PRDM15: variants seen among roughly 807,000 people sequenced by gnomAD.
PRDM15 encodes PR/SET domain 15, also known as PR domain zinc finger protein 15.
In PRDM15, 64 loss-of-function variants were observed where a neutral mutation model predicts 128.6. The ratio of observed to expected loss-of-function variants is 0.50; its 90% CI spans 0.41 to 0.61. The LOEUF is 0.61. Among genes scored for constraint, PRDM15 ranks in the 20% least tolerant of loss-of-function variants. The pLI, the probability that PRDM15 is intolerant of heterozygous loss-of-function variation, is 0.00. For missense variants in PRDM15, 1,242 were observed against 1,569.1 expected (o/e 0.79, Z 3.52); for synonymous variants, 615 against 621.8 (o/e 0.99, Z 0.16).
intron 1 of PRDM15, among the ~76,000 whole-genome samples, chr21:41,878,508 G>A (rs1030410554): frequency 6.6e-6 from 1 of 152,116 alleles, no homozygotes; most frequent in African/African-American, 2.4e-5. Context: ...AGGACGCTGC[G>A]CGTGGCCCCC....
rs1486502565 is a variant in PRDM15 at position 41,862,705 on chromosome 21, G to A, written c.-9-2333C>T. 1.3e-5 allele frequency among the ~76,000 whole-genome samples: 2 copies of A among 152,072 alleles called. No homozygotes were observed. The highest frequency in any genetic ancestry group is 2.4e-5 in the African/African-American group (1 of 41,390). On this transcript the variant is annotated intron_variant, in intron 1 of 23. Transcript: ENST00000398548. This position sits in a 1 kb window ranked among gnomAD's most constrained non-coding sequence, Gnocchi z 4.1. ...GGGCTGCAGATCAGGCCTGATAAAC[G>A]GAGCATCTTCAAAGTCTTTGCTGTC...
intron 21 of PRDM15, among the ~76,000 whole-genome samples, chr21:41,805,311 G>A (rs76592018): frequency 0.024 from 3,722 of 152,318 alleles, 159 homozygotes; most frequent in African/African-American, 0.084. Context: ...ACAGCCGAAC[G>A]TGATAAAGGG....
chr21:41,804,554 A>T lies in PRDM15; in HGVS notation c.2713T>A (p.Ser905Thr), dbSNP rs1289635286. 6.4e-7 allele frequency: 1 copy of T among 1,569,698 alleles called. No individual in the cohort carries two copies. Among genetic ancestry groups the T allele is most frequent in the Non-Finnish European group, 8.6e-7 (1 of 1,156,964 alleles). Residue 905 changes from serine (S) to threonine (T), a missense_variant, in exon 22 of 24, where the codon TCC becomes ACC. Ser to Thr is a moderately conservative substitution (Grantham distance 58). Coordinates refer to ENST00000398548, the MANE Select transcript of PRDM15 (RefSeq NM_001040424.3). ...HLPETTTIDA[S>T]SIGIVQPELT... ...CTCACCTGGACGATGCCAATGGAGG[A>T]GGCGTCGATGGTGGTGGTCTCCGGG...
At chr21:41,861,344 T>A (rs1371657620) in intron 1 of PRDM15, among the ~76,000 whole-genome samples, 1 of 152,172 alleles carries the variant, frequency 6.6e-6, no homozygotes. Context: ...ACTTGCATAG[T>A]GGGTAGATGA....
At chr21:41,853,690 G>A (rs1277741913) in intron 5 of PRDM15, among the ~76,000 whole-genome samples, 4 of 152,188 alleles carry the variant, frequency 2.6e-5, no homozygotes, top group African/African-American at 7.2e-5. Flanking sequence ...ACTGTGACCC[G>A]CTTTTTCAGC....
At chr21:41,839,393 T>C (rs1009900822) in intron 7 of PRDM15, among the ~76,000 whole-genome samples, 1 of 152,252 alleles carries the variant, frequency 6.6e-6, no homozygotes, top group Non-Finnish European at 1.5e-5. Flanking sequence ...CTGTATCCAT[T>C]TGTCAAAATT....
rs769347502 is a variant in PRDM15 at position 41,859,227 on chromosome 21, A to C, written c.131+365T>G. ...TGCACGTGTCCGCTGGCAGGCCAAG[A>C]CCTGGAATGCAGAGAGAAGCCAACG... On this transcript the variant is annotated intron_variant, in intron 3 of 23. Transcript: ENST00000398548. The surrounding 1 kb of genome is among the most constrained non-coding windows in gnomAD (Gnocchi z 5.3). The C allele has an allele frequency of 1.9e-6, 3 of 1,613,444 alleles. No individual in the cohort carries two copies. The highest frequency in any genetic ancestry group is 2.5e-6 in the Non-Finnish European group (3 of 1,179,776).
chr21:41,857,798 G>T (rs2145886741), intron 3 of PRDM15, among the ~76,000 whole-genome samples: 1 of 152,284 alleles, frequency 6.6e-6, no homozygotes, highest in African/African-American at 2.4e-5. Context: ...TTCCTAATAG[G>T]TGCTCAATGA....
rs111288587 is a variant in PRDM15 at position 41,801,486 on chromosome 21, G to A, written c.3180C>T (p.Asp1060=). The change falls in exon 24 of 24, where the codon GAC becomes GAT. Residue 1060 remains aspartate (D), a synonymous_variant. Coordinates refer to ENST00000398548, the MANE Select transcript of PRDM15 (RefSeq NM_001040424.3). ...CTTCCGGCTGGGGGTGGATCTGGAC[G>A]TCATTTTGGCGGTTGTGCAACATGG... ...GSAMLHNRQN[D]VQIHPQPEAS... is the part of the protein sequence containing the mutation. The A allele has an allele frequency of 1.2e-4, 189 of 1,614,184 alleles. 2 individuals are homozygous for A. Among genetic ancestry groups the A allele is most frequent in the African/African-American group, 9.7e-4 (73 of 75,050 alleles).
rs528895306 is a variant in PRDM15 at position 41,805,050 on chromosome 21, C to G, written c.2653-436G>C. Among the ~76,000 whole-genome samples the G allele has an allele frequency of 7.2e-5, 11 of 152,314 alleles. No individual in the cohort carries two copies. In the East Asian group the frequency reaches 1.9e-3, roughly 27 times the overall value. On this transcript the variant is annotated intron_variant, in intron 21 of 23. Coordinates refer to ENST00000398548, the MANE Select transcript of PRDM15 (RefSeq NM_001040424.3). Reference sequence around the variant, plus strand: ...TACACATCGTACTTTTCAGTTGAATCCATACACAAGTGCTTTCATTTGTTG... The same window carrying G: ...TACACATCGTACTTTTCAGTTGAATGCATACACAAGTGCTTTCATTTGTTG...
chr21:41,856,346 C>G (rs73361544), intron 4 of PRDM15, among the ~76,000 whole-genome samples: 4,106 of 146,574 alleles, frequency 0.028, 229 homozygotes, highest in African/African-American at 0.1. Flanking sequence ...TTCTTCCCCC[C>G]TTTTTGCTGA....
At chr21:41,838,592 A>G (rs374393595) in intron 7 of PRDM15, among the ~76,000 whole-genome samples, 22 of 152,370 alleles carry the variant, frequency 1.4e-4, no homozygotes, top group Middle Eastern at 3.4e-3. Flanking sequence ...ACTGGTTTCT[A>G]CCACTTTGCC....
chr21:41,852,073 C>A (rs1261810201), intron 5 of PRDM15, among the ~76,000 whole-genome samples: 1 of 152,222 alleles, frequency 6.6e-6, no homozygotes, highest in East Asian at 1.9e-4. Flanking sequence ...TTCGACACCA[C>A]AGTCCCAGGC....
chr21:41,804,723 T>C, intron 21 of PRDM15, 109 bp from the exon 22 acceptor site: 1 of 722,456 alleles, frequency 1.4e-6, no homozygotes, highest in Non-Finnish European at 2.2e-6. Flanking sequence ...TGCCCTTCCC[T>C]CCCAGGCATC....
At chr21:41,809,082 G>A (rs945406585) in intron 21 of PRDM15, among the ~76,000 whole-genome samples, 9 of 152,206 alleles carry the variant, frequency 5.9e-5, no homozygotes, top group African/African-American at 1.9e-4. Context: ...ACGCCTTTCC[G>A]TGTGTTTTTC....
chr21:41,805,698 A>G (rs1407624276), intron 21 of PRDM15, among the ~76,000 whole-genome samples: 1 of 151,932 alleles, frequency 6.6e-6, no homozygotes, highest in Non-Finnish European at 1.5e-5. Context: ...CGCACTCTCT[A>G]CCGTCACCAC....
intron 2 of PRDM15, 49 bp downstream of exon 2, chr21:41,860,278 A>G (rs375648770): frequency 9.3e-5 from 141 of 1,508,462 alleles, no homozygotes; most frequent in Middle Eastern, 5.1e-4. Flanking sequence ...TCTGTGTTCT[A>G]TGACATAGGG....
chr21:41,838,750 T>C (rs1302807063), intron 7 of PRDM15, among the ~76,000 whole-genome samples: 1 of 152,164 alleles, frequency 6.6e-6, no homozygotes, highest in Non-Finnish European at 1.5e-5. Flanking sequence ...CGCCCAACAG[T>C]GCACAGCCTA....
chr21:41,879,187 G>T lies in PRDM15; in HGVS notation c.-10+83C>A. 1 of 813,712 alleles carries T rather than the reference G, an allele frequency of 1.2e-6. No individual in the cohort carries two copies. The highest frequency in any genetic ancestry group is 1.5e-6 in the Non-Finnish European group (1 of 675,114). 50.4% of individuals were successfully genotyped at this position (813,712 alleles called of 1,614,324 possible). A position where few individuals can be genotyped will look rare whatever the true frequency, so the allele number is the denominator to read the frequency against. Reference sequence around the variant, plus strand: ...GGGCAGCGGGCCCAGGGCGCGCCGGGGCTCGCGGGGGCAGCGGGTGCGGCC... The same window carrying T: ...GGGCAGCGGGCCCAGGGCGCGCCGGTGCTCGCGGGGGCAGCGGGTGCGGCC... On this transcript the variant is annotated intron_variant, in intron 1 of 23. Coordinates refer to ENST00000398548, the MANE Select transcript of PRDM15 (RefSeq NM_001040424.3). The surrounding 1 kb of genome is among the most constrained non-coding windows in gnomAD (Gnocchi z 5.1).
Sources: gnomAD v4.1 joint callset for allele counts (sites outside exome capture counted in the v4.1 genomes callset) on GRCh38, gnomAD v4.1.1 for gene constraint, Gnocchi (gnomAD v3.1) non-coding constraint, MANE v1.5 for transcripts, NCBI Gene and HGNC (gene_info 2026-07-23, HGNC 2026-07-21) for gene names.